GUCY1A2: variants seen among roughly 807,000 people sequenced by gnomAD.
GUCY1A2 encodes guanylate cyclase soluble subunit alpha-2.
A neutral mutation model predicts 63.5 loss-of-function variants in GUCY1A2; 27 were observed. The ratio of observed to expected loss-of-function variants is 0.43; its 90% confidence interval spans 0.31 to 0.59. GUCY1A2 has a LOEUF of 0.59. Among genes scored for constraint, GUCY1A2 ranks in the 20% least tolerant of loss-of-function variants. The pLI is 0.11. For missense variants in GUCY1A2, 768 were observed against 913.3 expected (o/e 0.84, Z 2.05); for synonymous variants, 364 against 343.5 (o/e 1.06, Z -0.66).
rs546751052 is a variant in GUCY1A2, at chr11:106,838,323, AAC to A, written c.1207-27847_1207-27846del. Among the ~76,000 whole-genome samples the A allele has an allele frequency of 1.3e-4, 20 of 152,126 alleles. 1 individual carries two copies. In the South Asian group the frequency reaches 3.7e-3, roughly 28 times the overall value. On this transcript the variant is annotated intron_variant, in intron 4 of 7. Coordinates refer to ENST00000526355, the MANE Select transcript of GUCY1A2 (RefSeq NM_000855.3). Reference sequence around the variant, plus strand: ...TAAAAATAGGTCTAGCATGGGACCTAACACACAGTAGTGTTTCAGTGAATATT... The same window carrying A: ...TAAAAATAGGTCTAGCATGGGACCTAACACAGTAGTGTTTCAGTGAATATT...
chr11:106,826,770 C>A, intron 4 of GUCY1A2: 1 of 1,611,234 alleles, frequency 6.2e-7, no homozygotes, highest in Non-Finnish European at 8.5e-7. Flanking sequence ...CCTGGGTCCA[C>A]AGCCTCATCT....
intron 6 of GUCY1A2, among the ~76,000 whole-genome samples, chr11:106,714,239 C>T (rs1330319828): frequency 6.6e-5 from 10 of 152,022 alleles, no homozygotes; most frequent in Middle Eastern, 3.4e-3. Context: ...AAAAAAAAGT[C>T]TTGTCTCTTA....
At chr11:106,962,300 C>G (rs1591345338) in intron 3 of GUCY1A2, among the ~76,000 whole-genome samples, 2 of 152,052 alleles carry the variant, frequency 1.3e-5, no homozygotes, top group Middle Eastern at 6.8e-3. Context: ...GCCTGTAATC[C>G]CAGCACTTTG....
intron 4 of GUCY1A2, among the ~76,000 whole-genome samples, chr11:106,848,044 T>C (rs1373590346): frequency 6.6e-6 from 1 of 151,556 alleles, no homozygotes; most frequent in East Asian, 1.9e-4. Context: ...TGGATTCAGA[T>C]CTGTGGGCCC....
Position 106,883,854 on chromosome 11 carries a change from G to A in GUCY1A2, c.1206+55606C>T, listed in dbSNP as rs533500598. 9.9e-5 allele frequency among the ~76,000 whole-genome samples: 15 copies of A among 152,100 alleles called. No individual in the cohort carries two copies. The South Asian group carries it at 1.7e-3, about 17-fold the overall frequency. On this transcript the variant is annotated intron_variant, in intron 4 of 7. Coordinates refer to ENST00000526355, the MANE Select transcript of GUCY1A2 (RefSeq NM_000855.3). ...GCACACATACACCATGGAATACTAC[G>A]CAGCCATAAAAAAGGATGAGTTCAT...
intron 4 of GUCY1A2, among the ~76,000 whole-genome samples, chr11:106,820,278 C>T (rs1273432759): frequency 6.6e-6 from 1 of 152,110 alleles, no homozygotes; most frequent in Non-Finnish European, 1.5e-5. Flanking sequence ...AAAATATTTA[C>T]TTAATATCTA....
chr11:106,827,693 T>C (rs985486370), intron 4 of GUCY1A2: 7 of 1,546,204 alleles, frequency 4.5e-6, no homozygotes, highest in Non-Finnish European at 6.3e-6. Context: ...TTGATTGTTC[T>C]TCAACATCAA....
intron 3 of GUCY1A2, among the ~76,000 whole-genome samples, chr11:106,969,948 T>G (rs912351069): frequency 6.6e-6 from 1 of 152,322 alleles, no homozygotes; most frequent in Admixed American, 6.5e-5. Flanking sequence ...TCTGTTTTGT[T>G]TTATCCAACT....
intron 1 of GUCY1A2, among the ~76,000 whole-genome samples, chr11:106,998,742 C>G (rs1861573116): frequency 6.6e-6 from 1 of 151,882 alleles, no homozygotes; most frequent in African/African-American, 2.4e-5. Flanking sequence ...ACATCAGCCC[C>G]ATTTGGTCCT....
chr11:106,911,199 C>A (rs953681295), intron 4 of GUCY1A2, among the ~76,000 whole-genome samples: 1 of 151,982 alleles, frequency 6.6e-6, no homozygotes, highest in African/African-American at 2.4e-5. Context: ...GAGCTAACCT[C>A]ACTATATATA....
At chr11:106,692,741 C>CCTAT (rs1233519875) in intron 7 of GUCY1A2, among the ~76,000 whole-genome samples, 2 of 152,306 alleles carry the variant, frequency 1.3e-5, no homozygotes, top group East Asian at 3.9e-4. Flanking sequence ...CCGATACTTT[C>CCTAT]CTATCTCTGA....
At chr11:106,957,279 G>T (rs79652094) in intron 3 of GUCY1A2, among the ~76,000 whole-genome samples, 4,293 of 151,880 alleles carry the variant, frequency 0.028, 90 homozygotes, top group African/African-American at 0.054. Context: ...TTAGACAGCA[G>T]GCAGCCACAG....
chr11:106,834,070 C>T (rs931170026), intron 4 of GUCY1A2, among the ~76,000 whole-genome samples: 8 of 151,786 alleles, frequency 5.3e-5, no homozygotes, highest in Non-Finnish European at 7.4e-5. Flanking sequence ...TTTTTTGTGG[C>T]GAGAATATTT....
At position 106,709,801 on chromosome 11, in the gene GUCY1A2, C is replaced by T. The variant is rs375541458; in HGVS notation, c.1837-1135G>A. ...AATATATAGTTATATATTATATACACGTATAGAATATATAGTTATATATTA... is the reference window on the plus strand; with the variant it reads ...AATATATAGTTATATATTATATACATGTATAGAATATATAGTTATATATTA... On this transcript the variant is annotated intron_variant, in intron 6 of 7. Coordinates refer to ENST00000526355, the MANE Select transcript of GUCY1A2 (RefSeq NM_000855.3). Among the ~76,000 whole-genome samples the T allele has an allele frequency of 7.3e-5, 9 of 122,516 alleles. No homozygotes were observed. In the East Asian group the frequency reaches 7.4e-4, roughly 10 times the overall value. The allele number at this position is 122,516 out of a possible 152,430, so 80.4% of individuals were successfully genotyped here.
intron 6 of GUCY1A2, among the ~76,000 whole-genome samples, chr11:106,737,016 G>A (rs534139959): frequency 8.5e-5 from 13 of 152,272 alleles, no homozygotes; most frequent in Non-Finnish European, 1.8e-4. Flanking sequence ...CTAGCCTACA[G>A]AGGGCAGCTC....
intron 4 of GUCY1A2, among the ~76,000 whole-genome samples, chr11:106,885,934 C>A (rs1277073002): frequency 6.6e-6 from 1 of 152,086 alleles, no homozygotes; most frequent in East Asian, 1.9e-4. Flanking sequence ...TGCTCACACA[C>A]ATATATCCCC....
intron 4 of GUCY1A2, among the ~76,000 whole-genome samples, chr11:106,849,717 T>C (rs1859325229): frequency 1.3e-5 from 2 of 151,634 alleles, no homozygotes; most frequent in Non-Finnish European, 3.0e-5. Context: ...GAAAAATATC[T>C]GATGGAAAAC....
intron 5 of GUCY1A2, among the ~76,000 whole-genome samples, chr11:106,796,696 C>A (rs1864767911): frequency 6.6e-6 from 1 of 152,170 alleles, no homozygotes. Context: ...TTATCTCTGG[C>A]TGCCCTTAAC....
At chr11:106,749,020 C>T (rs1252930017) in intron 6 of GUCY1A2, among the ~76,000 whole-genome samples, 1 of 151,960 alleles carries the variant, frequency 6.6e-6, no homozygotes, top group Non-Finnish European at 1.5e-5. Context: ...AATGGCAATC[C>T]CTTAAGATTA....
Sources: allele counts gnomAD v4.1 joint callset (sites outside exome capture counted in the v4.1 genomes callset), GRCh38; gene constraint gnomAD v4.1.1; transcripts MANE v1.5; gene names NCBI Gene and HGNC (gene_info 2026-07-23, HGNC 2026-07-21).